The following EVPL variants were observed in gnomAD, a reference collection of about 807,000 sequenced individuals.
The protein encoded by EVPL is 210 kDa cornified envelope precursor protein.
In EVPL, 94 loss-of-function variants were observed where a neutral mutation model predicts 129.7. That is an observed-to-expected ratio of 0.72 (90% CI 0.61 to 0.86). EVPL has a LOEUF of 0.86. Ranked by LOEUF, EVPL falls within the 40% of genes least tolerant of loss-of-function variation. The pLI is 0.00. For synonymous variants in EVPL, 1,172 were observed against 1,191.1 expected, an observed-to-expected ratio of 0.98 and a Z score of 0.33; for missense variants, 2,625 against 2,721.1, an observed-to-expected ratio of 0.96 and a Z score of 0.79.
chr17:76,008,048 G>T lies in EVPL; in HGVS notation c.5157C>A (p.Leu1719=). ...TGGTGACCTCCTCCCAGTCACACTC[G>T]AGCTCCTGCAGCTGCAAGTACTGGC... ...DRGQYLQLQE[L]ECDWEEVTTS... is the part of the protein sequence containing the mutation. Residue 1719 remains leucine, a synonymous_variant, in exon 22 of 22, where the codon CTC becomes CTA. Transcript: ENST00000301607. This position sits in a 1 kb window ranked among gnomAD's most constrained non-coding sequence, Gnocchi z 7.4. 1 of 1,614,134 alleles carries T rather than the reference G, an allele frequency of 6.2e-7. No individual in the cohort carries two copies. The highest frequency in any genetic ancestry group is 8.5e-7 in the Non-Finnish European group (1 of 1,180,020).
chr17:76,016,165 AAAAG>A (rs2066417998), intron 14 of EVPL, among the ~76,000 whole-genome samples: 1 of 152,100 alleles, frequency 6.6e-6, no homozygotes, highest in Admixed American at 6.5e-5. Flanking sequence ...AAATAAATAA[AAAAG>A]AATGATTGAT....
In EVPL at chr17:76,010,258, C is replaced by T. The variant is rs1419979541; in HGVS notation, c.2947G>A (p.Gly983Ser). 5 of 1,613,898 alleles carry T rather than the reference C, an allele frequency of 3.1e-6. No individual in the cohort carries two copies. Among genetic ancestry groups the T allele is most frequent in the Non-Finnish European group, 4.2e-6 (5 of 1,180,032 alleles). ...SRVKAQVEEE[G>S]KRRAGLQADL... ...GCCTGCAGGCCAGCCCGCCGCTTGC[C>T]CTCCTCCTCCACCTGGGCCTTCACC... Residue 983 changes from glycine (G) to serine (S), a missense_variant, in exon 22 of 22, where the codon GGC becomes AGC. Around this residue, in one of 4 missense-constraint regions of EVPL, gnomAD observed 1,453 missense variants for 1,511.8 expected, o/e 0.96. Transcript: ENST00000301607.
chr17:76,010,754 G>A (rs896244999), intron 21 of EVPL, among the ~76,000 whole-genome samples: 11 of 152,140 alleles, frequency 7.2e-5, no homozygotes, highest in African/African-American at 2.7e-4. Context: ...CGCAGGCCTG[G>A]TTTGCATTAG....
rs1357931143 is a variant in EVPL, at chr17:76,009,506, C to T, written c.3699G>A (p.Lys1233=). ...GCAGGACCTCCAGGTCGGGCAGCAGCTTCTCCACCTCCTTCTCCACACCGC... is the reference window on the plus strand; with the variant it reads ...GCAGGACCTCCAGGTCGGGCAGCAGTTTCTCCACCTCCTTCTCCACACCGC... ...KRSGVEKEVE[K]LLPDLEVLRA... The change falls in exon 22 of 22, where the codon AAG becomes AAA. Residue 1233 remains lysine (K), a synonymous_variant. Transcript: ENST00000301607. This position sits in a 1 kb window ranked among gnomAD's most constrained non-coding sequence, Gnocchi z 5.9. 1.2e-6 allele frequency: 2 copies of T among 1,613,900 alleles called. No individual in the cohort carries two copies. Among genetic ancestry groups the T allele is most frequent in the Non-Finnish European group, 1.7e-6 (2 of 1,179,948 alleles).
At chr17:76,011,709 C>T in intron 20 of EVPL, 41 bp from the exon 21 acceptor site, 1 of 1,611,980 alleles carries the variant, frequency 6.2e-7, no homozygotes, top group East Asian at 2.2e-5. Context: ...AGAGTCAGCT[C>T]CTGCCTTGGA....
rs1482564195 is a variant in EVPL, at chr17:76,009,419, CCT to C, written c.3784_3785del (p.Arg1262GlufsTer7). The C allele has an allele frequency of 6.2e-7, 1 of 1,614,114 alleles. No individual in the cohort carries two copies. Among genetic ancestry groups the C allele is most frequent in the Admixed American group, 1.7e-5 (1 of 60,016 alleles). ...CGATCTCACGCAGCACCTCGGGGCT[CCT>C]CTCATGCCTCACCACCTCCTGGGTC... The part of the protein sequence containing the change: ...EVTQEVVRHE[R>X]SPEVLREIDR... On this transcript the variant is annotated frameshift_variant, in exon 22 of 22. Coordinates refer to ENST00000301607, the MANE Select transcript of EVPL (RefSeq NM_001988.4). LOFTEE classifies it low-confidence loss of function (END_TRUNC). This position sits in a 1 kb window ranked among gnomAD's most constrained non-coding sequence, Gnocchi z 5.9.
Position 76,009,798 on chromosome 17 carries a change from AC to A in EVPL, c.3406del (p.Val1136Ter), listed in dbSNP as rs1281167302. 2 of 1,612,378 alleles carry A rather than the reference AC, an allele frequency of 1.2e-6. No homozygotes were observed. Among genetic ancestry groups the A allele is most frequent in the Admixed American group, 3.3e-5 (2 of 59,880 alleles). Reference sequence around the variant, plus strand: ...CTGCTCCACCTTCTTCACCTCCTTCACGATGACCTTGGGCTCCACCGAGCTG... The same window carrying A: ...CTGCTCCACCTTCTTCACCTCCTTCAGATGACCTTGGGCTCCACCGAGCTG... ...AISSVEPKVI[V>X]KEVKKVEQDP... On this transcript the variant is annotated frameshift_variant, in exon 22 of 22. Coordinates refer to ENST00000301607, the MANE Select transcript of EVPL (RefSeq NM_001988.4). LOFTEE classifies it low-confidence loss of function (END_TRUNC). This position sits in a 1 kb window ranked among gnomAD's most constrained non-coding sequence, Gnocchi z 5.9.
chr17:76,018,316 G>A, intron 12 of EVPL, 58 bp from the exon 13 acceptor site: 1 of 1,517,534 alleles, frequency 6.6e-7, no homozygotes, highest in Non-Finnish European at 8.9e-7. Context: ...TCCCTCCCCA[G>A]CCCCAGTAGA....
intron 14 of EVPL, 97 bp from the exon 15 acceptor site, chr17:76,015,725 T>G: frequency 7.7e-7 from 1 of 1,300,148 alleles, no homozygotes; most frequent in Non-Finnish European, 1.1e-6. Flanking sequence ...GGCAGTAGAG[T>G]GTGGTGGGTA....
chr17:76,009,553 G>C lies in EVPL; in HGVS notation c.3652C>G (p.Gln1218Glu). ...QEITRLKAKL[Q>E]EMAGKRSGVE... Reference sequence around the variant, plus strand: ...CCGCTCCTCTTGCCCGCCATCTCCTGCAGCTTGGCCTTGAGCCGAGTGATC... The same window carrying C: ...CCGCTCCTCTTGCCCGCCATCTCCTCCAGCTTGGCCTTGAGCCGAGTGATC... The change falls in exon 22 of 22, where the codon CAG (glutamine) becomes GAG (glutamate). Residue 1218 changes from glutamine to glutamate, a missense_variant. Physicochemically the swap from Gln to Glu is conservative, Grantham distance 29. Around this residue, in one of 4 missense-constraint regions of EVPL, gnomAD observed 1,453 missense variants for 1,511.8 expected, o/e 0.96. Transcript: ENST00000301607. This position sits in a 1 kb window ranked among gnomAD's most constrained non-coding sequence, Gnocchi z 5.9. 1.9e-6 allele frequency: 3 copies of C among 1,614,016 alleles called. No individual in the cohort carries two copies. The highest frequency in any genetic ancestry group is 2.5e-6 in the Non-Finnish European group (3 of 1,180,014).
At chr17:76,026,572 G>A (rs1378262124) in intron 1 of EVPL, among the ~76,000 whole-genome samples, 1 of 152,166 alleles carries the variant, frequency 6.6e-6, no homozygotes, top group Non-Finnish European at 1.5e-5. Context: ...GGGGAGGGCT[G>A]TGGCTTAGGC....
chr17:76,008,207 C>T lies in EVPL; in HGVS notation c.4998G>A (p.Val1666=). 6.2e-7 allele frequency: 1 copy of T among 1,614,150 alleles called. No homozygotes were observed. Among genetic ancestry groups the T allele is most frequent in the African/African-American group, 1.3e-5 (1 of 75,072 alleles). The change falls in exon 22 of 22, where the codon GTG becomes GTA. Residue 1666 remains valine, a synonymous_variant. Transcript: ENST00000301607. This position sits in a 1 kb window ranked among gnomAD's most constrained non-coding sequence, Gnocchi z 7.4. ...ERTLRDLHAK[V]SREELSQETQ... is the part of the protein sequence containing the mutation. The stretch of plus-strand genomic sequence containing the variant: ...TCTCCTGGCTGAGCTCCTCCCGGCT[C>T]ACCTTGGCGTGGAGGTCCCGGAGCG...
chr17:76,024,115 G>C lies in EVPL; in HGVS notation c.104C>G (p.Ala35Gly). ...KGSPSRHSRAATQELALLISR... is the reference protein window; with the variant it reads ...KGSPSRHSRAGTQELALLISR... ...GATGAGAAGGGCCAGCTCCTGGGTG[G>C]CAGCCCTAGTGTGTGGAGGGGACAG... The change falls in exon 2 of 22, where the codon GCC (alanine) becomes GGC (glycine). Residue 35 changes from alanine to glycine, a missense_variant. Ala to Gly is a moderately conservative substitution (Grantham distance 60, BLOSUM62 0). This residue lies in a region of EVPL where 139 missense variants were observed against 186.8 expected (regional missense o/e 0.74). Coordinates refer to ENST00000301607, the MANE Select transcript of EVPL (RefSeq NM_001988.4). The surrounding 1 kb of genome is among the most constrained non-coding windows in gnomAD (Gnocchi z 4.5). 2 of 1,613,490 alleles carry C rather than the reference G, an allele frequency of 1.2e-6. No individual in the cohort carries two copies. The highest frequency in any genetic ancestry group is 1.7e-6 in the Non-Finnish European group (2 of 1,179,822).
At chr17:76,023,799 G>T in intron 2 of EVPL, 145 bp from the exon 3 acceptor site, 1 of 1,361,252 alleles carries the variant, frequency 7.3e-7, no homozygotes, top group Non-Finnish European at 9.8e-7. Flanking sequence ...GTCAGGACCA[G>T]GGCGTCCGTG....
Position 76,008,629 on chromosome 17 carries a change from C to T in EVPL, c.4576G>A (p.Val1526Met), listed in dbSNP as rs201429207. Reference protein sequence around the residue: ...EKTIYKEVIRVQKDRVLEDER... With the variant: ...EKTIYKEVIRMQKDRVLEDER... Reference sequence around the variant, plus strand: ...TCTTCCAGGACGCGGTCCTTCTGCACCCGGATCACTTCCTTGTAGATGGTC... The same window carrying T: ...TCTTCCAGGACGCGGTCCTTCTGCATCCGGATCACTTCCTTGTAGATGGTC... Residue 1526 changes from valine to methionine, a missense_variant, in exon 22 of 22, where the codon GTG becomes ATG. Val to Met is a conservative substitution (Grantham distance 21, BLOSUM62 1). Around this residue, in one of 4 missense-constraint regions of EVPL, gnomAD observed 1,453 missense variants for 1,511.8 expected, o/e 0.96. Coordinates refer to ENST00000301607, the MANE Select transcript of EVPL (RefSeq NM_001988.4). This position sits in a 1 kb window ranked among gnomAD's most constrained non-coding sequence, Gnocchi z 7.4. 17 of 1,612,272 alleles carry T rather than the reference C, an allele frequency of 1.1e-5. No homozygotes were observed. In the African/African-American group the frequency reaches 2.0e-4, roughly 19 times the overall value.
Position 76,010,450 on chromosome 17 carries a change from C to T in EVPL, c.2755G>A (p.Ala919Thr), listed in dbSNP as rs775048919. 1 of 1,614,060 alleles carries T rather than the reference C, an allele frequency of 6.2e-7. No individual in the cohort carries two copies. The highest frequency in any genetic ancestry group is 1.3e-5 in the African/African-American group (1 of 75,020). The part of the protein sequence containing the change: ...QAGRESEALK[A>T]QLEEERKRVA... ...CGCTTCCTCTCCTCTTCCAGCTGGGCCTTCAGGGCCTCTGACTCTCTCCCT... is the reference window on the plus strand; with the variant it reads ...CGCTTCCTCTCCTCTTCCAGCTGGGTCTTCAGGGCCTCTGACTCTCTCCCT... The change falls in exon 22 of 22, where the codon GCC becomes ACC. Residue 919 changes from alanine (A) to threonine (T), a missense_variant. Around this residue, in one of 4 missense-constraint regions of EVPL, gnomAD observed 1,453 missense variants for 1,511.8 expected, o/e 0.96. Transcript: ENST00000301607.
chr17:76,023,991 A>G (rs1360444148), intron 2 of EVPL, 30 bp downstream of exon 2: 4 of 1,597,150 alleles, frequency 2.5e-6, no homozygotes, highest in Non-Finnish European at 3.4e-6. Flanking sequence ...CAGCCTGTCC[A>G]CGCCCTGCCA....
At chr17:76,018,404 T>A (rs771877293) in intron 12 of EVPL, 42 bp downstream of exon 12, 1 of 1,583,316 alleles carries the variant, frequency 6.3e-7, no homozygotes, top group East Asian at 2.3e-5. Context: ...GCCGGCCTGC[T>A]CTGCCCACAG....
Position 76,022,567 on chromosome 17 carries a change from A to G in EVPL, c.481-29T>C, listed in dbSNP as rs2066470180. ...CAGGAGAGCCGGCGGCTCAGTCCCCAAAGGACCGCGGTGGGGAGCCAGAGA... is the reference window on the plus strand; with the variant it reads ...CAGGAGAGCCGGCGGCTCAGTCCCCGAAGGACCGCGGTGGGGAGCCAGAGA... On this transcript the variant is annotated intron_variant, in intron 4 of 21. Transcript: ENST00000301607. The surrounding 1 kb of genome is among the most constrained non-coding windows in gnomAD (Gnocchi z 5.6). The G allele has an allele frequency of 2.5e-6, 4 of 1,581,276 alleles. No individual in the cohort carries two copies. The South Asian group carries it at 4.6e-5, about 18-fold the overall frequency.
Sources: allele counts gnomAD v4.1 joint callset (sites outside exome capture counted in the v4.1 genomes callset), GRCh38; gene constraint gnomAD v4.1.1; regional missense constraint gnomAD v4.1.1; non-coding constraint Gnocchi (gnomAD v3.1); transcripts MANE v1.5; gene names NCBI Gene and HGNC (gene_info 2026-07-23, HGNC 2026-07-21).